The following STAR variants were observed in gnomAD, a reference collection of about 807,000 sequenced individuals.
STAR encodes the protein steroidogenic acute regulatory protein, also known as steroidogenic acute regulatory protein, mitochondrial.
Under a neutral mutation model 32.3 loss-of-function variants are expected in STAR, and 32 were observed. The ratio of observed to expected loss-of-function variants is 0.99; its 90% CI spans 0.75 to 1.33. The LOEUF is 1.33. Ranked by LOEUF, STAR falls within the 40% of genes most tolerant of loss-of-function variation. The pLI is 0.00. For missense variants in STAR, 375 were observed against 379.0 expected, an observed-to-expected ratio of 0.99 and a Z score of 0.09; for synonymous variants, 134 against 140.5, an observed-to-expected ratio of 0.95 and a Z score of 0.33.
In STAR at chr8:38,148,628, C is replaced by T. The variant is rs1802617029; in HGVS notation, c.178+13G>A. On this transcript the variant is annotated intron_variant, in intron 2 of 6. Coordinates refer to ENST00000276449, the MANE Select transcript of STAR (RefSeq NM_000349.3). ...GCCAGCAGCACCAGGAGCCCAGAAGCCTCAGCACTTACCGAGTAGAGAGCT... is the reference window on the plus strand; with the variant it reads ...GCCAGCAGCACCAGGAGCCCAGAAGTCTCAGCACTTACCGAGTAGAGAGCT... 6.2e-7 allele frequency: 1 copy of T among 1,613,168 alleles called. No homozygotes were observed. Among genetic ancestry groups the T allele is most frequent in the African/African-American group, 1.3e-5 (1 of 75,036 alleles).
At chr8:38,144,613 G>A (rs912775374) in intron 6 of STAR, 2 of 1,374,914 alleles carry the variant, frequency 1.5e-6, no homozygotes, top group African/African-American at 1.5e-5. Flanking sequence ...GGTGTTCCCA[G>A]CTGTGTGACC....
intron 3 of STAR, among the ~76,000 whole-genome samples, chr8:38,147,628 G>A (rs1018465882): frequency 3.3e-5 from 5 of 152,238 alleles, no homozygotes; most frequent in African/African-American, 1.2e-4. Flanking sequence ...CCTGAACTTT[G>A]TGTAGTGGGC....
At chr8:38,145,932 AG>A in intron 5 of STAR, 30 bp downstream of exon 5, 4 of 1,612,350 alleles carry the variant, frequency 2.5e-6, no homozygotes, top group East Asian at 2.2e-5. Flanking sequence ...GTGTTAGAAG[AG>A]GGGGGTTTGG....
At chr8:38,144,625 T>C in intron 6 of STAR, 2 of 1,342,648 alleles carry the variant, frequency 1.5e-6, no homozygotes, top group South Asian at 3.0e-5. Context: ...TGTGTGACCC[T>C]GAACCAGTTA....
intron 2 of STAR, 27 bp from the exon 3 acceptor site, chr8:38,148,354 A>C (rs1240040095): frequency 1.2e-6 from 2 of 1,613,402 alleles, no homozygotes; most frequent in South Asian, 2.2e-5. Context: ...GGAGAGACAG[A>C]GCTTCCTTCT....
In STAR at chr8:38,150,931, C is replaced by G. The variant is rs1388825775; in HGVS notation, c.-113G>C. On this transcript the variant is annotated 5_prime_UTR_variant, in exon 1 of 7. Transcript: ENST00000276449. ...CGTCCTTCCTGAGCCCCTCAAGCTT[C>G]GCCTCTGAGTCCCGCAGCTGCAGCC... 6.3e-7 allele frequency: 1 copy of G among 1,594,988 alleles called. No individual in the cohort carries two copies. Among genetic ancestry groups the G allele is most frequent in the African/African-American group, 1.3e-5 (1 of 74,812 alleles).
chr8:38,149,635 C>T (rs999970566), intron 1 of STAR, among the ~76,000 whole-genome samples: 1 of 152,160 alleles, frequency 6.6e-6, no homozygotes, highest in Non-Finnish European at 1.5e-5. Flanking sequence ...TGTACCCCTG[C>T]TACAAGACTT....
chr8:38,144,960 G>GAC (rs1802537987), intron 6 of STAR: 3 of 1,267,462 alleles, frequency 2.4e-6, no homozygotes, highest in Admixed American at 6.5e-5. Context: ...GGTGAGCTGA[G>GAC]ACCATGTCAT....
At chr8:38,147,103 T>C (rs1394952000) in intron 3 of STAR, among the ~76,000 whole-genome samples, 1 of 151,960 alleles carries the variant, frequency 6.6e-6, no homozygotes, top group Non-Finnish European at 1.5e-5. Context: ...TTCTCCTGCC[T>C]CGGCCTCCCA....
rs531761662 is a variant in STAR, at chr8:38,148,513, C to A, written c.178+128G>T. The A allele has an allele frequency of 1.4e-3, 1,830 of 1,338,322 alleles. 31 individuals carry two copies. The South Asian group carries it at 0.021, about 16-fold the overall frequency. 82.9% of individuals were successfully genotyped at this position (1,338,322 alleles called of 1,614,324 possible). ...CAGAGAGGGATCTGGCCTTGAGGAA[C>A]TCTAGGCTGGGGACGTCCTCTCAAA... is the stretch of plus-strand genomic sequence containing the variant. On this transcript the variant is annotated intron_variant, in intron 2 of 6. Transcript: ENST00000276449.
In STAR at chr8:38,150,760, A is replaced by C. The variant is rs1254655751; in HGVS notation, c.59T>G (p.Met20Arg). Residue 20 changes from methionine to arginine, a missense_variant, in exon 1 of 7, where the codon ATG becomes AGG. Transcript: ENST00000276449. ...CTCCTTCCCGCAGCGCTCACCCTTCATGTTGCGCATGTGTCTGTAGGAGCT... is the reference window on the plus strand; with the variant it reads ...CTCCTTCCCGCAGCGCTCACCCTTCCTGTTGCGCATGTGTCTGTAGGAGCT... ...AGSSYRHMRN[M>R]KGLRQQAVMA... is the part of the protein sequence containing the mutation. 3.7e-6 allele frequency: 6 copies of C among 1,607,134 alleles called. No individual in the cohort carries two copies. The highest frequency in any genetic ancestry group is 5.1e-6 in the Non-Finnish European group (6 of 1,179,954).
intron 1 of STAR, 73 bp from the exon 2 acceptor site, chr8:38,148,827 T>C (rs1262980137): frequency 4.0e-6 from 5 of 1,241,504 alleles, no homozygotes; most frequent in Non-Finnish European, 4.6e-6. Context: ...CCCCCTCATC[T>C]TGTCTCAAAT....
chr8:38,145,413 C>T, intron 5 of STAR, 98 bp from the exon 6 acceptor site: 1 of 1,522,258 alleles, frequency 6.6e-7, no homozygotes, highest in Non-Finnish European at 9.0e-7. Flanking sequence ...TCTACGGTAC[C>T]TTGTCTTTTC....
rs1341832520 is a variant in STAR, at chr8:38,148,175, C to T, written c.306+25G>A. On this transcript the variant is annotated intron_variant, in intron 3 of 6. Coordinates refer to ENST00000276449, the MANE Select transcript of STAR (RefSeq NM_000349.3). ...AGGATGGCAGTGGAGCATGGAGGAA[C>T]CACAGGCTTCTCCCCGACACTTACC... The T allele has an allele frequency of 2.5e-6, 4 of 1,613,618 alleles. No individual in the cohort carries two copies. In the African/African-American group the frequency reaches 5.3e-5, roughly 22 times the overall value.
In STAR at chr8:38,150,610, G is replaced by A. The variant is rs16887222; in HGVS notation, c.64+145C>T. 1.9e-5 allele frequency: 25 copies of A among 1,300,382 alleles called. No homozygotes were observed. In the South Asian group the frequency reaches 2.0e-4, roughly 10 times the overall value. The allele number at this position is 1,300,382 out of a possible 1,614,324, so 80.6% of individuals were successfully genotyped here. A position where few individuals can be genotyped will look rare whatever the true frequency, so the allele number is the denominator to read the frequency against. On this transcript the variant is annotated intron_variant, in intron 1 of 6. Transcript: ENST00000276449. ...TCTTAGTAACCAGCCCACTTCTTCC[G>A]AGGGGAAAACTGAGATTCAAGAAGG...
rs545393727 is a variant in STAR, at chr8:38,143,351, C to T, written c.*922G>A. ...AGATGGAGTCTCACTCTGTCGCCCA[C>T]GCTGGAGCGCAGTGGCACAATCTCG... On this transcript the variant is annotated 3_prime_UTR_variant, in exon 7 of 7. Coordinates refer to ENST00000276449, the MANE Select transcript of STAR (RefSeq NM_000349.3). 1.3e-5 allele frequency among the ~76,000 whole-genome samples: 2 copies of T among 148,908 alleles called. No individual in the cohort carries two copies. The highest frequency in any genetic ancestry group is 5.0e-5 in the African/African-American group (2 of 40,296).
At chr8:38,146,179 T>G in intron 4 of STAR, 32 bp from the exon 5 acceptor site, 1 of 1,613,796 alleles carries the variant, frequency 6.2e-7, no homozygotes, top group African/African-American at 1.3e-5. Context: ...GAATCACGAC[T>G]CAGCCTGTGT....
chr8:38,149,981 C>T (rs539978008), intron 1 of STAR, among the ~76,000 whole-genome samples: 7 of 152,190 alleles, frequency 4.6e-5, no homozygotes, highest in African/African-American at 9.6e-5. Context: ...ACTAGCCAGG[C>T]GTGGTGGCAT....
chr8:38,149,253 C>T (rs1802628754), intron 1 of STAR: 2 of 182,400 alleles, frequency 1.1e-5, no homozygotes, highest in Non-Finnish European at 1.2e-5. Context: ...GGATTCTGGG[C>T]CAGGGAAGCC....
Sources: gnomAD v4.1 joint callset for allele counts (sites outside exome capture counted in the v4.1 genomes callset) on GRCh38, gnomAD v4.1.1 for gene constraint, MANE v1.5 for transcripts, NCBI Gene and HGNC (gene_info 2026-07-23, HGNC 2026-07-21) for gene names.